Variants in SHTN1 observed in about 807,000 individuals in gnomAD.
SHTN1 encodes shootin-1.
In SHTN1, 42 loss-of-function variants were observed where a neutral mutation model predicts 83.1. The ratio of observed to expected loss-of-function variants is 0.51; its 90% CI spans 0.39 to 0.65. The LOEUF is 0.65. Ranked by LOEUF, SHTN1 falls within the 30% of genes least tolerant of loss-of-function variation. The probability of loss-of-function intolerance (pLI) is 0.00; values close to 1 mark genes in which losing one functional copy is unlikely to be tolerated. For missense variants in SHTN1, 622 were observed against 737.8 expected, an observed-to-expected ratio of 0.84 and a Z score of 1.82; for synonymous variants, 224 against 247.7, an observed-to-expected ratio of 0.90 and a Z score of 0.90.
At chr10:117,007,186 A>G (rs1852032576), upstream of SHTN1, among the ~76,000 whole-genome samples, 1 of 152,002 alleles carries the variant, frequency 6.6e-6, no homozygotes, top group Non-Finnish European at 1.5e-5. Flanking sequence ...ATTTTAATGA[A>G]AAATAATGGA....
At chr10:116,981,874 T>C (rs1294771400) in intron 1 of SHTN1, among the ~76,000 whole-genome samples, 1 of 152,166 alleles carries the variant, frequency 6.6e-6, no homozygotes, top group East Asian at 1.9e-4. Context: ...CTGACCAACA[T>C]GGTGAAACAC....
intron 1 of SHTN1, among the ~76,000 whole-genome samples, chr10:116,990,807 CTTCT>C (rs1168513445): frequency 6.6e-6 from 1 of 152,056 alleles, no homozygotes; most frequent in Non-Finnish European, 1.5e-5. Context: ...GCCTTTCTTC[CTTCT>C]GTCTTTTGGG....
chr10:117,086,361 T>C (rs552019434), intron 1 of SHTN1, among the ~76,000 whole-genome samples: 32 of 152,364 alleles, frequency 2.1e-4, no homozygotes, highest in Admixed American at 1.9e-3. Context: ...AGATAACACA[T>C]AGTTGGGGTC....
At chr10:116,909,508 T>G (rs1342722046) in intron 14 of SHTN1, among the ~76,000 whole-genome samples, 2 of 152,210 alleles carry the variant, frequency 1.3e-5, no homozygotes, top group African/African-American at 4.8e-5. Context: ...GCTTTCTAAG[T>G]GACTGAGGTG....
chr10:117,075,568 A>G (rs2133606436), intron 1 of SHTN1, among the ~76,000 whole-genome samples: 1 of 152,300 alleles, frequency 6.6e-6, no homozygotes, highest in South Asian at 2.1e-4. Context: ...AATTATCCAC[A>G]TAGTGTGATA....
In SHTN1 at chr10:116,884,678, C is replaced by A. The variant is rs1399165147; in HGVS notation, c.*1666G>T. ...GAAACATGAAAGAAAACTCAATAAA[C>A]CATCTTAGGGACTATTAAAAATTAC... On this transcript the variant is annotated 3_prime_UTR_variant, in exon 17 of 17. Coordinates refer to ENST00000355371, the MANE Select transcript of SHTN1 (RefSeq NM_001127211.3). The A allele has an allele frequency of 6.1e-6, 1 of 164,166 alleles. No homozygotes were observed. The highest frequency in any genetic ancestry group is 2.4e-5 in the African/African-American group (1 of 41,578). 10.2% of individuals were successfully genotyped at this position (164,166 alleles called of 1,614,324 possible). A position where few individuals can be genotyped will look rare whatever the true frequency, so the allele number is the denominator to read the frequency against.
At chr10:117,087,730 G>A (rs1775999177) in intron 1 of SHTN1, among the ~76,000 whole-genome samples, 1 of 152,164 alleles carries the variant, frequency 6.6e-6, no homozygotes, top group Non-Finnish European at 1.5e-5. Context: ...TGTCTATTCA[G>A]CAAAAGGCAG....
intron 1 of SHTN1, among the ~76,000 whole-genome samples, chr10:117,095,113 C>T (rs962262349): frequency 1.3e-5 from 2 of 152,144 alleles, no homozygotes; most frequent in African/African-American, 4.8e-5. Context: ...ATATCAAAGC[C>T]GTGAGGAAAT....
intron 1 of SHTN1, among the ~76,000 whole-genome samples, chr10:117,076,264 C>T (rs1853152305): frequency 6.6e-6 from 1 of 151,274 alleles, no homozygotes; most frequent in South Asian, 2.1e-4. Flanking sequence ...GGCAGAGAAA[C>T]CACTGTTTAA....
chr10:116,969,440 C>CA lies in SHTN1; in HGVS notation c.112-729dup, dbSNP rs945218600. Among the ~76,000 whole-genome samples, 79 of 151,672 alleles carry CA rather than the reference C, an allele frequency of 5.2e-4. 1 individual carries two copies. Among genetic ancestry groups the CA allele is most frequent in the South Asian group, 3.3e-3 (16 of 4,780 alleles). ...TGGGCGACAGAGTGAGACTCTGACTCAAAAAAAAGACTACTGCATGAGGGC... is the reference window on the plus strand; with the variant it reads ...TGGGCGACAGAGTGAGACTCTGACTCAAAAAAAAAGACTACTGCATGAGGGC... On this transcript the variant is annotated intron_variant, in intron 2 of 16. Coordinates refer to ENST00000355371, the MANE Select transcript of SHTN1 (RefSeq NM_001127211.3).
chr10:117,005,054 T>C lies in SHTN1; in HGVS notation c.26A>G (p.Gln9Arg), dbSNP rs1429782251. 6.3e-7 allele frequency: 1 copy of C among 1,599,494 alleles called. No homozygotes were observed. Among genetic ancestry groups the C allele is most frequent in the Non-Finnish European group, 8.5e-7 (1 of 1,173,432 alleles). The change falls in exon 1 of 17, where the codon CAG (glutamine) becomes CGG (arginine). Residue 9 changes from glutamine (Q) to arginine (R), a missense_variant. This residue lies in a region of SHTN1 where 383 missense variants were observed against 455.8 expected (regional missense o/e 0.84). Coordinates refer to ENST00000355371, the MANE Select transcript of SHTN1 (RefSeq NM_001127211.3). MNSSDEEK[Q>R]LQLITSLKEQ... ...CTTCAGACTGGTAATGAGCTGCAGC[T>C]GCTTCTCTTCGTCCGAGCTGTTCAT... is the stretch of plus-strand genomic sequence containing the variant.
rs117887461 is a variant in SHTN1, at chr10:117,117,026, T to C, written c.-189+9281A>G. Among the ~76,000 whole-genome samples, 44 of 152,254 alleles carry C rather than the reference T, an allele frequency of 2.9e-4. No homozygotes were observed. In the East Asian group the frequency reaches 6.6e-3, roughly 23 times the overall value. ...CAAGGATGCCCACCTTCACCACTTT[T>C]ATTCAACATAACACTAGAAGTCCTG... On this transcript the variant is annotated intron_variant, in intron 1 of 17. Coordinates refer to the SHTN1 transcript ENST00000392901.
chr10:116,930,225 C>T (rs763867243), intron 9 of SHTN1, among the ~76,000 whole-genome samples: 2 of 152,010 alleles, frequency 1.3e-5, no homozygotes, highest in Non-Finnish European at 2.9e-5. Flanking sequence ...ACGTACCAGA[C>T]ACTTTAATTT....
intron 1 of SHTN1, among the ~76,000 whole-genome samples, chr10:117,003,556 G>A (rs932524974): frequency 2.0e-5 from 3 of 151,920 alleles, no homozygotes; most frequent in Admixed American, 2.0e-4. Flanking sequence ...GAATCCGGGA[G>A]CACTTCCCAA....
intron 1 of SHTN1, among the ~76,000 whole-genome samples, chr10:117,065,704 C>CGA (rs61337046): frequency 1.1e-4 from 9 of 79,632 alleles, no homozygotes; most frequent in East Asian, 8.9e-4. Context: ...GGCAACAAAG[C>CGA]GAGAGAGAGA....
At chr10:117,106,796 T>C (rs1474652461) in intron 1 of SHTN1, among the ~76,000 whole-genome samples, 1 of 152,214 alleles carries the variant, frequency 6.6e-6, no homozygotes, top group African/African-American at 2.4e-5. Flanking sequence ...CCATGGTGCA[T>C]GTTTCTTCTA....
At chr10:116,929,768 A>T in intron 10 of SHTN1, 81 bp downstream of exon 10, 2 of 881,336 alleles carry the variant, frequency 2.3e-6, no homozygotes, top group Non-Finnish European at 3.3e-6. Context: ...GTTCTAGACT[A>T]ACTATATGCC....
intron 9 of SHTN1, among the ~76,000 whole-genome samples, chr10:116,939,375 T>C (rs1266260001): frequency 1.3e-5 from 2 of 152,290 alleles, no homozygotes; most frequent in East Asian, 1.9e-4. Context: ...GAGAGCACCA[T>C]TCCTCACAGC....
At chr10:117,007,170 C>T (rs185189628), upstream of SHTN1, among the ~76,000 whole-genome samples, 45 of 151,864 alleles carry the variant, frequency 3.0e-4, no homozygotes, top group East Asian at 4.1e-3. Flanking sequence ...TAAAAAAATC[C>T]GGGAGATTTT....
Sources: allele counts gnomAD v4.1 joint callset (sites outside exome capture counted in the v4.1 genomes callset), GRCh38; gene constraint gnomAD v4.1.1; regional missense constraint gnomAD v4.1.1; transcripts MANE v1.5; gene names NCBI Gene and HGNC (gene_info 2026-07-23, HGNC 2026-07-21).